SGMS1: variants seen among roughly 807,000 people sequenced by gnomAD.
SGMS1 encodes the protein phosphatidylcholine:ceramide cholinephosphotransferase 1.
Under a neutral mutation model 46.2 loss-of-function variants are expected in SGMS1, and 13 were observed. That is an observed-to-expected ratio of 0.28 (90% confidence interval 0.18 to 0.45). The LOEUF (loss-of-function observed/expected upper bound fraction) is 0.45. SGMS1 is among the 20% of genes least tolerant of loss of function. SGMS1 has a pLI of 1.00. For synonymous variants in SGMS1, 203 were observed against 187.8 expected (o/e 1.08, Z -0.66); for missense variants, 324 against 519.9 (o/e 0.62, Z 3.66).
rs79419838 is a variant in SGMS1 at position 50,352,082 on chromosome 10, C to A, written c.-231-7737G>T. Among the ~76,000 whole-genome samples the A allele has an allele frequency of 6.9e-3, 1,049 of 152,254 alleles. 16 individuals carry two copies. The highest frequency in any genetic ancestry group is 0.024 in the African/African-American group (1,007 of 41,538). On this transcript the variant is annotated intron_variant, in intron 6 of 10. Transcript: ENST00000361781. ...GCAAATAAACTTTTATTTTTCCAAG[C>A]AAGTTTTGAAACTTGAAATAAAGGT...
At chr10:50,375,575 C>T (rs1172148458) in intron 6 of SGMS1, among the ~76,000 whole-genome samples, 1 of 152,148 alleles carries the variant, frequency 6.6e-6, no homozygotes, top group African/African-American at 2.4e-5. Context: ...AGCTGTTTTG[C>T]AGAGTGGGAC....
chr10:50,410,908 T>A (rs554513975), intron 6 of SGMS1, among the ~76,000 whole-genome samples: 1 of 152,370 alleles, frequency 6.6e-6, no homozygotes, highest in South Asian at 2.1e-4. Context: ...GAATAACATG[T>A]TAGTTCCTTT....
At chr10:50,450,911 C>T (rs910915190) in intron 5 of SGMS1, among the ~76,000 whole-genome samples, 4 of 151,500 alleles carry the variant, frequency 2.6e-5, no homozygotes, top group African/African-American at 9.7e-5. Flanking sequence ...ATACAAACAA[C>T]TGTTAAAAGA....
intron 1 of SGMS1, among the ~76,000 whole-genome samples, chr10:50,597,951 G>A (rs752820040): frequency 6.6e-6 from 1 of 151,204 alleles, no homozygotes; most frequent in Non-Finnish European, 1.5e-5. Flanking sequence ...AGCGGAGGTT[G>A]CAGCGAGCTG....
intron 7 of SGMS1, among the ~76,000 whole-genome samples, chr10:50,327,736 G>T (rs887911469): frequency 6.6e-6 from 1 of 152,168 alleles, no homozygotes; most frequent in South Asian, 2.1e-4. Flanking sequence ...ATTAGAATGA[G>T]AATTTAAAAC....
At chr10:50,362,463 C>T (rs759935978) in intron 6 of SGMS1, among the ~76,000 whole-genome samples, 1 of 152,118 alleles carries the variant, frequency 6.6e-6, no homozygotes. Flanking sequence ...GAAACTGACA[C>T]ACAATGATAC....
Position 50,330,318 on chromosome 10 carries a change from C to CA in SGMS1, c.624-2997dup, listed in dbSNP as rs142023118. On this transcript the variant is annotated intron_variant, in intron 7 of 10. Transcript: ENST00000361781. ...AAAAACAAAACAAAACAAAACAAAA[C>CA]AAACAAACAAAAAAACATTAGCTGG... is the stretch of plus-strand genomic sequence containing the variant. 1.0e-4 allele frequency among the ~76,000 whole-genome samples: 13 copies of CA among 127,390 alleles called. 1 individual carries two copies. In the South Asian group the frequency reaches 1.0e-3, roughly 10 times the overall value. 83.6% of individuals were successfully genotyped at this position (127,390 alleles called of 152,430 possible).
chr10:50,516,053 G>A (rs1278422448), intron 3 of SGMS1, among the ~76,000 whole-genome samples: 1 of 152,030 alleles, frequency 6.6e-6, no homozygotes, highest in East Asian at 1.9e-4. Context: ...CATGCCTAAT[G>A]TATTACTTTC....
At position 50,344,004 on chromosome 10, in the gene SGMS1, G is replaced by A. The variant is rs767402334; in HGVS notation, c.111C>T (p.Ile37=). The change falls in exon 7 of 11, where the codon ATC becomes ATT. Residue 37 remains isoleucine, a synonymous_variant. Transcript: ENST00000361781. The part of the protein sequence containing the change: ...PLEHFTGQDL[I]NLTQEDFKKP... ...TTTTGAAATCCTCTTGGGTTAGGTTGATCAAGTCCTGGCCTGTGAAATGCT... is the reference window on the plus strand; with the variant it reads ...TTTTGAAATCCTCTTGGGTTAGGTTAATCAAGTCCTGGCCTGTGAAATGCT... 2 of 1,614,048 alleles carry A rather than the reference G, an allele frequency of 1.2e-6. No homozygotes were observed. The highest frequency in any genetic ancestry group is 4.5e-5 in the East Asian group (2 of 44,898).
rs766053092 is a variant in SGMS1, at chr10:50,327,190, C to T, written c.741+15G>A. ...AAACAAACAGAAAGCGAAATTACAG[C>T]GAGGAATAGTTTACCTTCGGAGAAC... is the stretch of plus-strand genomic sequence containing the variant. On this transcript the variant is annotated intron_variant, in intron 8 of 10. Coordinates refer to ENST00000361781, the MANE Select transcript of SGMS1 (RefSeq NM_147156.4). The T allele has an allele frequency of 4.5e-5, 65 of 1,444,278 alleles. No individual in the cohort carries two copies. The highest frequency in any genetic ancestry group is 2.5e-4 in the East Asian group (11 of 43,410). 89.5% of individuals were successfully genotyped at this position (1,444,278 alleles called of 1,614,324 possible).
At chr10:50,487,985 TTTTATTTATTTA>T (rs3054268) in intron 3 of SGMS1, among the ~76,000 whole-genome samples, 2,106 of 139,016 alleles carry the variant, frequency 0.015, 60 homozygotes, top group African/African-American at 0.051. Context: ...TTTGTTTTTA[TTTTATTTATTTA>T]TTTATTTATT....
chr10:50,572,776 TG>T (rs1014857534), intron 2 of SGMS1, among the ~76,000 whole-genome samples: 6 of 152,222 alleles, frequency 3.9e-5, no homozygotes, highest in African/African-American at 1.4e-4. Context: ...AGATCCTTTT[TG>T]TATTTATATA....
At chr10:50,441,008 G>C (rs1012506081) in intron 5 of SGMS1, among the ~76,000 whole-genome samples, 1 of 152,210 alleles carries the variant, frequency 6.6e-6, no homozygotes, top group Non-Finnish European at 1.5e-5. Flanking sequence ...TTAGAGAGGA[G>C]GGAGCTAGAA....
At chr10:50,338,792 T>C (rs1042227184) in intron 7 of SGMS1, among the ~76,000 whole-genome samples, 2 of 151,156 alleles carry the variant, frequency 1.3e-5, no homozygotes, top group African/African-American at 2.4e-5. Flanking sequence ...CAGGTTGGAG[T>C]GCAATGCTGC....
At chr10:50,583,658 G>T (rs143748665) in intron 2 of SGMS1, among the ~76,000 whole-genome samples, 1 of 152,160 alleles carries the variant, frequency 6.6e-6, no homozygotes, top group African/African-American at 2.4e-5. Context: ...TTGATCCTTA[G>T]TCTAGCCCCT....
intron 6 of SGMS1, among the ~76,000 whole-genome samples, chr10:50,366,943 T>C (rs1325507630): frequency 6.6e-6 from 1 of 152,130 alleles, no homozygotes; most frequent in African/African-American, 2.4e-5. Context: ...AACCCAGATC[T>C]TGAAGTATAA....
chr10:50,415,409 A>G (rs2133581495), intron 6 of SGMS1, among the ~76,000 whole-genome samples: 1 of 152,276 alleles, frequency 6.6e-6, no homozygotes, highest in Non-Finnish European at 1.5e-5. Flanking sequence ...ACTCTGTGGC[A>G]TGCTTCCCCC....
chr10:50,431,433 G>A (rs1849403228), intron 6 of SGMS1, among the ~76,000 whole-genome samples: 1 of 152,202 alleles, frequency 6.6e-6, no homozygotes, highest in Non-Finnish European at 1.5e-5. Flanking sequence ...AACTAGGTGG[G>A]TGAGATTTAA....
chr10:50,374,304 C>T (rs768036881), intron 6 of SGMS1, among the ~76,000 whole-genome samples: 2 of 152,150 alleles, frequency 1.3e-5, no homozygotes, highest in Non-Finnish European at 2.9e-5. Flanking sequence ...TGCTCTTCTC[C>T]TCCAAGCCAA....
Sources: allele counts gnomAD v4.1 joint callset (sites outside exome capture counted in the v4.1 genomes callset), GRCh38; gene constraint gnomAD v4.1.1; transcripts MANE v1.5; gene names NCBI Gene and HGNC (gene_info 2026-07-23, HGNC 2026-07-21).